LRRC7: variants seen among roughly 807,000 people sequenced by gnomAD.
LRRC7 encodes the protein leucine rich repeat containing 7.
A neutral mutation model predicts 175.7 loss-of-function variants in LRRC7; 23 were observed. The observed-to-expected ratio is 0.13, with a 90% CI of 0.09 to 0.19. The LOEUF (loss-of-function observed/expected upper bound fraction) is 0.19, where lower values mean the gene tolerates loss of function less well. Among genes scored for constraint, LRRC7 ranks in the 10% least tolerant of loss-of-function variants. The pLI is 1.00. For missense variants in LRRC7, 1,354 were observed against 1,904.7 expected (o/e 0.71, Z 5.38); for synonymous variants, 685 against 680.9 (o/e 1.01, Z -0.09).
chr1:69,654,790 A>G (rs7525565), intron 1 of LRRC7, among the ~76,000 whole-genome samples: 15,017 of 152,206 alleles, frequency 0.099, 842 homozygotes, highest in African/African-American at 0.16. Flanking sequence ...AATAATGAAT[A>G]TGGCAACTTG....
chr1:69,651,597 G>A (rs895886259), intron 1 of LRRC7, among the ~76,000 whole-genome samples: 1 of 152,172 alleles, frequency 6.6e-6, no homozygotes, highest in Admixed American at 6.5e-5. Context: ...AATACATGGA[G>A]CAAAATACCT....
chr1:69,615,275 C>T (rs1209795410), intron 1 of LRRC7, among the ~76,000 whole-genome samples: 1 of 151,750 alleles, frequency 6.6e-6, no homozygotes, highest in African/African-American at 2.4e-5. Flanking sequence ...TTCTCATTTC[C>T]TCAGCTTCCC....
At chr1:69,780,459 A>G (rs553939406) in intron 3 of LRRC7, among the ~76,000 whole-genome samples, 1 of 152,206 alleles carries the variant, frequency 6.6e-6, no homozygotes, top group East Asian at 1.9e-4. Flanking sequence ...ACTGAACACA[A>G]GCAGTCTAGG....
chr1:69,936,005 A>AT (rs958367890), intron 8 of LRRC7, among the ~76,000 whole-genome samples: 3 of 151,810 alleles, frequency 2.0e-5, no homozygotes, highest in Non-Finnish European at 2.9e-5. Context: ...TGTACTGTGT[A>AT]TTTTTTTTCC....
At chr1:69,633,610 G>A (rs188802128) in intron 1 of LRRC7, among the ~76,000 whole-genome samples, 20 of 151,872 alleles carry the variant, frequency 1.3e-4, no homozygotes, top group South Asian at 2.1e-4. Flanking sequence ...TCTATTTTTG[G>A]CAGAGATAGT....
At chr1:69,679,485 C>T (rs1660206470) in intron 2 of LRRC7, among the ~76,000 whole-genome samples, 1 of 152,074 alleles carries the variant, frequency 6.6e-6, no homozygotes, top group Non-Finnish European at 1.5e-5. Context: ...GATAACCTTA[C>T]TGAGCTGACA....
At chr1:69,966,039 A>G (rs1186902340) in intron 8 of LRRC7, among the ~76,000 whole-genome samples, 1 of 152,212 alleles carries the variant, frequency 6.6e-6, no homozygotes, top group Non-Finnish European at 1.5e-5. Context: ...TCTAAATGTT[A>G]TTAAACAAAG....
intron 2 of LRRC7, among the ~76,000 whole-genome samples, chr1:69,731,159 G>T (rs563078407): frequency 6.6e-6 from 1 of 151,996 alleles, no homozygotes; most frequent in Non-Finnish European, 1.5e-5. Flanking sequence ...AAAAATAGCC[G>T]GATGTGGTGG....
At chr1:69,882,707 G>A (rs113683118) in intron 7 of LRRC7, among the ~76,000 whole-genome samples, 19,916 of 147,930 alleles carry the variant, frequency 0.13, 2,056 homozygotes, top group African/African-American at 0.29. Flanking sequence ...CTGGTGTGCT[G>A]CACCCACTAA....
chr1:69,620,472 C>G (rs951564937), intron 1 of LRRC7, among the ~76,000 whole-genome samples: 1 of 152,146 alleles, frequency 6.6e-6, no homozygotes, highest in East Asian at 1.9e-4. Context: ...CTAAGTATTA[C>G]AAGTGCAGGT....
At chr1:69,739,949 T>C (rs1460580396) in intron 2 of LRRC7, among the ~76,000 whole-genome samples, 4 of 152,014 alleles carry the variant, frequency 2.6e-5, no homozygotes, top group Non-Finnish European at 4.4e-5. Context: ...GAACCTGGTT[T>C]TATAACTATC....
At position 70,127,383 on chromosome 1, in the gene LRRC7, G is replaced by C. The variant is rs1024318067; in HGVS notation, c.*5496G>C. Among the ~76,000 whole-genome samples the C allele has an allele frequency of 6.6e-6, 1 of 152,118 alleles. No individual in the cohort carries two copies. The highest frequency in any genetic ancestry group is 2.4e-5 in the African/African-American group (1 of 41,430). On this transcript the variant is annotated 3_prime_UTR_variant, in exon 27 of 27. Coordinates refer to ENST00000651989, the MANE Select transcript of LRRC7 (RefSeq NM_001370785.2). ...AGAATTCAGAGATTTTTGAAAAACC[G>C]AGGGGGCAAGTCTACTCTAAGTTTT...
intron 1 of LRRC7, among the ~76,000 whole-genome samples, chr1:69,599,512 A>G (rs1345909583): frequency 1.3e-5 from 2 of 152,220 alleles, no homozygotes; most frequent in Non-Finnish European, 2.9e-5. Context: ...TATAAATAAA[A>G]TCTATAATAA....
intron 8 of LRRC7, among the ~76,000 whole-genome samples, chr1:69,958,168 T>C (rs192692837): frequency 6.6e-6 from 1 of 152,138 alleles, no homozygotes; most frequent in East Asian, 1.9e-4. Flanking sequence ...ATAAAATTTC[T>C]TTTAATCAAT....
intron 18 of LRRC7, among the ~76,000 whole-genome samples, chr1:70,031,789 T>C (rs984181536): frequency 6.8e-6 from 1 of 146,318 alleles, no homozygotes; most frequent in Non-Finnish European, 1.5e-5. Flanking sequence ...ACAAGGATTT[T>C]CTTTTTTTTT....
chr1:69,711,012 T>G (rs942165766), intron 2 of LRRC7, among the ~76,000 whole-genome samples: 5 of 152,094 alleles, frequency 3.3e-5, no homozygotes, highest in Non-Finnish European at 7.4e-5. Flanking sequence ...CACCCAGATC[T>G]CACAAGTCCA....
chr1:69,903,528 A>G (rs1646202347), intron 7 of LRRC7, among the ~76,000 whole-genome samples: 1 of 152,230 alleles, frequency 6.6e-6, no homozygotes, highest in Non-Finnish European at 1.5e-5. Context: ...GGGCCCTTAT[A>G]GCACTAAATG....
intron 1 of LRRC7, among the ~76,000 whole-genome samples, chr1:69,606,252 A>G (rs1449473300): frequency 2.6e-5 from 4 of 152,126 alleles, no homozygotes; most frequent in Non-Finnish European, 5.9e-5. Flanking sequence ...AGCTGGTTCA[A>G]AGCTATTCAG....
rs571400910 is a variant in LRRC7, at chr1:69,646,605, G to A, written c.3-31776G>A. On this transcript the variant is annotated intron_variant, in intron 1 of 26. Coordinates refer to ENST00000651989, the MANE Select transcript of LRRC7 (RefSeq NM_001370785.2). The stretch of plus-strand genomic sequence containing the variant: ...GCATGTGCTATGCTGTCACAAAGAG[G>A]GAAGCTGCTGCCATTAAAGACAGGA... Among the ~76,000 whole-genome samples, 3 of 152,160 alleles carry A rather than the reference G, an allele frequency of 2.0e-5. No individual in the cohort carries two copies. The South Asian group carries it at 6.2e-4, about 32-fold the overall frequency.
Sources: gnomAD v4.1 joint callset for allele counts (sites outside exome capture counted in the v4.1 genomes callset) on GRCh38, gnomAD v4.1.1 for gene constraint, MANE v1.5 for transcripts, NCBI Gene and HGNC (gene_info 2026-07-23, HGNC 2026-07-21) for gene names.